Variants in RNF20 observed in about 807,000 individuals in gnomAD.
RNF20 encodes ring finger protein 20.
RNF20 carries 84 observed loss-of-function variants against 126.2 expected under a neutral mutation model. The observed-to-expected ratio is 0.67, with a 90% CI of 0.56 to 0.80. The LOEUF (loss-of-function observed/expected upper bound fraction) is 0.80, where lower values mean the gene tolerates loss of function less well. RNF20 is among the 30% of genes least tolerant of loss of function. RNF20 has a pLI of 0.00. For missense variants in RNF20, 869 were observed against 1,188.2 expected (o/e 0.73, Z 3.95); for synonymous variants, 400 against 414.3 (o/e 0.97, Z 0.42).
chr9:101,561,401 C>A (rs925673952), intron 18 of RNF20, 171 bp downstream of exon 18: 19 of 645,150 alleles, frequency 2.9e-5, no homozygotes, highest in Non-Finnish European at 3.7e-5. Flanking sequence ...TCCTCAGACT[C>A]TTTTATGGTG....
chr9:101,551,899 T>A lies in RNF20; in HGVS notation c.1408+80T>A, dbSNP rs1415427862. ...ATACAACACAGACCCCAGGGTTTGT[T>A]AATGCTGACTTCAACTCAGAAGTCA... is the stretch of plus-strand genomic sequence containing the variant. On this transcript the variant is annotated intron_variant, in intron 11 of 19. Coordinates refer to ENST00000389120, the MANE Select transcript of RNF20 (RefSeq NM_019592.7). 2.1e-6 allele frequency: 3 copies of A among 1,453,554 alleles called. No individual in the cohort carries two copies. The Admixed American group carries it at 6.6e-5, about 32-fold the overall frequency. 90.0% of individuals were successfully genotyped at this position (1,453,554 alleles called of 1,614,324 possible). A position where few individuals can be genotyped will look rare whatever the true frequency, so the allele number is the denominator to read the frequency against.
chr9:101,551,305 T>G (rs929084571), intron 10 of RNF20, among the ~76,000 whole-genome samples: 4 of 152,216 alleles, frequency 2.6e-5, no homozygotes. Flanking sequence ...AAGCATATAA[T>G]GGCACCAGTA....
intron 15 of RNF20, 23 bp downstream of exon 15, chr9:101,554,866 ATTGACTTT>A: frequency 1.4e-6 from 2 of 1,384,672 alleles, no homozygotes; most frequent in Non-Finnish European, 1.9e-6. Context: ...TCTTTATTTA[ATTGACTTT>A]TTGAGTAAAT....
chr9:101,552,203 A>G lies in RNF20; in HGVS notation c.1471A>G (p.Lys491Glu). The part of the protein sequence containing the change: ...SSLQNHNHQL[K>E]GEVLRYKRKL... The stretch of plus-strand genomic sequence containing the variant: ...CCTCCAGAATCACAATCACCAGCTG[A>G]AAGGGGAGGTCCTGAGATATAAGCG... Residue 491 changes from lysine (K) to glutamate (E), a missense_variant, in exon 12 of 20, where the codon AAA (lysine) becomes GAA (glutamate). This residue lies in a region of RNF20 where 231 missense variants were observed against 263.6 expected (regional missense o/e 0.88). Transcript: ENST00000389120. The G allele has an allele frequency of 6.2e-7, 1 of 1,614,168 alleles. No homozygotes were observed. The highest frequency in any genetic ancestry group is 8.5e-7 in the Non-Finnish European group (1 of 1,180,014).
chr9:101,547,540 G>T, intron 9 of RNF20, 22 bp downstream of exon 9: 1 of 1,613,210 alleles, frequency 6.2e-7, no homozygotes, highest in Non-Finnish European at 8.5e-7. Flanking sequence ...TCCCTGAAGG[G>T]CAGTAAAATC....
chr9:101,550,726 G>A lies in RNF20; in HGVS notation c.1213G>A (p.Ala405Thr), dbSNP rs778365522. 2.4e-5 allele frequency: 38 copies of A among 1,614,030 alleles called. No homozygotes were observed. Among genetic ancestry groups the A allele is most frequent in the Non-Finnish European group, 3.1e-5 (37 of 1,180,026 alleles). Residue 405 changes from alanine (A) to threonine (T), a missense_variant, in exon 10 of 20, where the codon GCT (alanine) becomes ACT (threonine). Around this residue, in one of 8 missense-constraint regions of RNF20, gnomAD observed 153 missense variants for 226.4 expected, o/e 0.68. Transcript: ENST00000389120. ...SLQLKAHLDE[A>T]RTLLHGTRGT... is the part of the protein sequence containing the mutation. ...ACAGTTGAAAGCACACTTGGATGAG[G>A]CTCGGACCCTGCTTCATGGCACCAG...
intron 2 of RNF20, among the ~76,000 whole-genome samples, chr9:101,536,534 C>G (rs1723666996): frequency 6.6e-6 from 1 of 152,012 alleles, no homozygotes; most frequent in South Asian, 2.1e-4. Context: ...ATATTGCTGG[C>G]AGGAAGTGAT....
At position 101,547,435 on chromosome 9, in the gene RNF20, G is replaced by C. The variant is rs1444273068; in HGVS notation, c.1009G>C (p.Glu337Gln). The C allele has an allele frequency of 6.2e-7, 1 of 1,614,188 alleles. No homozygotes were observed. The highest frequency in any genetic ancestry group is 2.2e-5 in the East Asian group (1 of 44,878). Residue 337 changes from glutamate (E) to glutamine (Q), a missense_variant, in exon 9 of 20, where the codon GAG (glutamate) becomes CAG (glutamine). This residue lies in a region of RNF20 where 153 missense variants were observed against 226.4 expected (regional missense o/e 0.68). Transcript: ENST00000389120. ...GAATGCAGAGCTTGAGGAGAACAAAGAGTTGGCTCAGAACCGTCTCTGTGA... is the reference window on the plus strand; with the variant it reads ...GAATGCAGAGCTTGAGGAGAACAAACAGTTGGCTCAGAACCGTCTCTGTGA... ...EMNAELEENKELAQNRLCELE... is the reference protein window; with the variant it reads ...EMNAELEENKQLAQNRLCELE...
intron 14 of RNF20, 49 bp from the exon 15 acceptor site, chr9:101,554,645 A>G (rs763473068): frequency 1.3e-6 from 2 of 1,545,562 alleles, no homozygotes; most frequent in Non-Finnish European, 1.8e-6. Context: ...TTGATTTTTG[A>G]AAATGTGTTA....
intron 16 of RNF20, 86 bp downstream of exon 16, chr9:101,557,682 C>A: frequency 1.9e-6 from 2 of 1,079,078 alleles, no homozygotes; most frequent in Non-Finnish European, 2.7e-6. Flanking sequence ...ATTATTGTGG[C>A]ACATTTTTGT....
chr9:101,562,214 G>A lies in RNF20; in HGVS notation c.2752-32G>A, dbSNP rs201921635. 708 of 1,597,374 alleles carry A rather than the reference G, an allele frequency of 4.4e-4. 1 individual carries two copies. The African/African-American group carries it at 6.1e-3, about 14-fold the overall frequency. On this transcript the variant is annotated intron_variant, in intron 19 of 19. Transcript: ENST00000389120. ...GCCATTTGGATCATAAACTTTCATG[G>A]TTGTTCAAACTCTGACATCTTTTCT...
At chr9:101,539,701 C>T (rs1827230586) in intron 2 of RNF20, among the ~76,000 whole-genome samples, 1 of 152,066 alleles carries the variant, frequency 6.6e-6, no homozygotes, top group African/African-American at 2.4e-5. Flanking sequence ...GGCTGAAGCA[C>T]AGTGGAGGAG....
At chr9:101,556,825 G>A (rs377520418) in intron 15 of RNF20, among the ~76,000 whole-genome samples, 35 of 152,112 alleles carry the variant, frequency 2.3e-4, no homozygotes, top group African/African-American at 7.0e-4. Context: ...CTCCAAAATA[G>A]GGAAAAAAAC....
Position 101,551,808 on chromosome 9 carries a change from A to G in RNF20, c.1397A>G (p.Asn466Ser), listed in dbSNP as rs1196220114. Residue 466 changes from asparagine to serine, a missense_variant, in exon 11 of 20, where the codon AAT (asparagine) becomes AGT (serine). By Grantham distance (46) the Asn-to-Ser change is conservative. Transcript: ENST00000389120. ...RIEFEQTLAA[N>S]EQAGPINREM... ...GAATTTGAGCAGACCCTTGCTGCCA[A>G]TGAACAAGCAGGTATAATGATTCTC... The G allele has an allele frequency of 2.5e-6, 4 of 1,606,706 alleles. No homozygotes were observed. Among genetic ancestry groups the G allele is most frequent in the African/African-American group, 1.3e-5 (1 of 74,610 alleles).
At chr9:101,541,136 T>G (rs558777243) in intron 5 of RNF20, among the ~76,000 whole-genome samples, 161 bp downstream of exon 5, 1 of 152,332 alleles carries the variant, frequency 6.6e-6, no homozygotes, top group South Asian at 2.1e-4. Context: ...TGGAACACAG[T>G]GGCACCATCA....
chr9:101,540,250 A>G lies in RNF20; in HGVS notation c.177A>G (p.Ala59=). 3 of 1,614,218 alleles carry G rather than the reference A, an allele frequency of 1.9e-6. No individual in the cohort carries two copies. Among genetic ancestry groups the G allele is most frequent in the Non-Finnish European group, 2.5e-6 (3 of 1,180,022 alleles). ...RTLQTKNRKL[A]EMLDQRQAIE... ...TGCAAACCAAAAATCGCAAGCTGGCAGAAATGTTGGATCAGCGGCAGGCCA... is the reference window on the plus strand; with the variant it reads ...TGCAAACCAAAAATCGCAAGCTGGCGGAAATGTTGGATCAGCGGCAGGCCA... The change falls in exon 3 of 20, where the codon GCA becomes GCG. Residue 59 remains alanine, a synonymous_variant. Coordinates refer to ENST00000389120, the MANE Select transcript of RNF20 (RefSeq NM_019592.7).
chr9:101,551,924 A>T, intron 11 of RNF20, 105 bp downstream of exon 11: 7 of 1,355,972 alleles, frequency 5.2e-6, no homozygotes, highest in Non-Finnish European at 7.1e-6. Context: ...CTCAGAAGTC[A>T]TAAGTACCTT....
intron 9 of RNF20, 32 bp downstream of exon 9, chr9:101,547,550 C>A: frequency 6.2e-7 from 1 of 1,612,628 alleles, no homozygotes; most frequent in South Asian, 1.1e-5. Context: ...GCAGTAAAAT[C>A]AGACGTTCTG....
At chr9:101,559,329 G>A (rs1385696990) in intron 16 of RNF20, among the ~76,000 whole-genome samples, 3 of 152,162 alleles carry the variant, frequency 2.0e-5, no homozygotes, top group Non-Finnish European at 2.9e-5. Flanking sequence ...GTCAGGTAAT[G>A]TGATGCCTCC....
Sources: gnomAD v4.1 joint callset for allele counts (sites outside exome capture counted in the v4.1 genomes callset) on GRCh38, gnomAD v4.1.1 for gene constraint, gnomAD v4.1.1 regional missense constraint, MANE v1.5 for transcripts, NCBI Gene and HGNC (gene_info 2026-07-23, HGNC 2026-07-21) for gene names.